Variants in DAW1 observed in about 807,000 individuals in gnomAD.
DAW1 encodes dynein assembly factor with WD repeats 1, also known as dynein assembly factor with WD repeat domains 1.
A neutral mutation model predicts 56.5 loss-of-function variants in DAW1; 47 were observed. That is an observed-to-expected ratio of 0.83 (90% CI 0.66 to 1.06). The LOEUF (loss-of-function observed/expected upper bound fraction) is 1.06. DAW1 is among the 50% of genes least tolerant of loss of function. The pLI is 0.00. For synonymous variants in DAW1, 190 were observed against 179.0 expected, an observed-to-expected ratio of 1.06 and a Z score of -0.49; for missense variants, 505 against 499.3, an observed-to-expected ratio of 1.01 and a Z score of -0.11.
Position 227,889,942 on chromosome 2 carries a change from T to C in DAW1, c.200T>C (p.Ile67Thr). 1.2e-6 allele frequency: 2 copies of C among 1,605,568 alleles called. No individual in the cohort carries two copies. The highest frequency in any genetic ancestry group is 1.7e-6 in the Non-Finnish European group (2 of 1,176,840). ...ASRTEQVKLLIQRLQEKLGQN... is the reference protein window; with the variant it reads ...ASRTEQVKLLTQRLQEKLGQN... ...CGAACAGAGCAAGTCAAACTTTTGATACAGAGGTTGCAAGAGAAACTCGGC... is the reference window on the plus strand; with the variant it reads ...CGAACAGAGCAAGTCAAACTTTTGACACAGAGGTTGCAAGAGAAACTCGGC... Residue 67 changes from isoleucine to threonine, a missense_variant, in exon 3 of 13, where the codon ATA (isoleucine) becomes ACA (threonine). Ile to Thr is a moderately conservative substitution (Grantham distance 89). Coordinates refer to ENST00000309931, the MANE Select transcript of DAW1 (RefSeq NM_178821.3).
At chr2:227,921,133 A>T (rs966997396) in intron 11 of DAW1, among the ~76,000 whole-genome samples, 1 of 152,138 alleles carries the variant, frequency 6.6e-6, no homozygotes, top group Non-Finnish European at 1.5e-5. Context: ...TACTCAAATT[A>T]TAAGGATGCT....
rs1692170768 is a variant in DAW1, at chr2:227,924,082, A to G, written c.*114A>G. 1.6e-6 allele frequency: 2 copies of G among 1,245,746 alleles called. No individual in the cohort carries two copies. The highest frequency in any genetic ancestry group is 1.5e-5 in the African/African-American group (1 of 66,592). 77.2% of individuals were successfully genotyped at this position (1,245,746 alleles called of 1,614,324 possible). A position where few individuals can be genotyped will look rare whatever the true frequency, so the allele number is the denominator to read the frequency against. ...ATACTTTCTCTTTTTCTGCAAGTCA[A>G]CTATTTCTACAACTGTCCTTCATTT... On this transcript the variant is annotated 3_prime_UTR_variant, in exon 13 of 13. Coordinates refer to ENST00000309931, the MANE Select transcript of DAW1 (RefSeq NM_178821.3).
At chr2:227,914,368 C>T (rs899147066) in intron 10 of DAW1, among the ~76,000 whole-genome samples, 3 of 151,888 alleles carry the variant, frequency 2.0e-5, no homozygotes, top group Non-Finnish European at 4.4e-5. Context: ...TGATGCTATA[C>T]TATGTATACC....
chr2:227,923,475 A>G (rs1370431727), intron 12 of DAW1, among the ~76,000 whole-genome samples: 1 of 152,200 alleles, frequency 6.6e-6, no homozygotes, highest in Non-Finnish European at 1.5e-5. Flanking sequence ...TGAGAAAACC[A>G]GTAGTGCCCA....
At chr2:227,893,739 T>G in intron 4 of DAW1, 56 bp from the exon 5 acceptor site, 3 of 1,561,798 alleles carry the variant, frequency 1.9e-6, no homozygotes, top group Admixed American at 3.9e-5. Flanking sequence ...AAACATGAAG[T>G]CTTTATTAAC....
intron 1 of DAW1, 83 bp from the exon 2 acceptor site, chr2:227,885,268 G>T: frequency 1.0e-6 from 1 of 967,926 alleles, no homozygotes; most frequent in Non-Finnish European, 1.5e-6. Context: ...AATAAAAATG[G>T]AAAAAACTGT....
chr2:227,921,503 G>A lies in DAW1; in HGVS notation c.1155G>A (p.Gly385=), dbSNP rs1429006393. The A allele has an allele frequency of 1.2e-6, 2 of 1,613,836 alleles. No homozygotes were observed. Among genetic ancestry groups the A allele is most frequent in the Admixed American group, 1.7e-5 (1 of 59,996 alleles). The change falls in exon 12 of 13, where the codon GGG becomes GGA. Residue 385 remains glycine (G), a synonymous_variant. Coordinates refer to ENST00000309931, the MANE Select transcript of DAW1 (RefSeq NM_178821.3). ...GCCAGTGCCTCCAGGTTCTTGAGGG[G>A]CACACTGATGAAATCTTTTCATGTG... ...QTGQCLQVLE[G]HTDEIFSCAF...
At chr2:227,876,904 A>G (rs544050721) in intron 1 of DAW1, among the ~76,000 whole-genome samples, 14 of 152,304 alleles carry the variant, frequency 9.2e-5, no homozygotes, top group African/African-American at 3.4e-4. Context: ...AGACCAGGAG[A>G]AGGAATTAAG....
intron 10 of DAW1, among the ~76,000 whole-genome samples, chr2:227,918,138 ATCCG>A (rs1175825951): frequency 1.5e-5 from 2 of 136,372 alleles, no homozygotes; most frequent in Admixed American, 7.5e-5. Context: ...CCATCCATCC[ATCCG>A]TCCATCCATC....
chr2:227,876,165 G>A (rs1003105606), intron 1 of DAW1, among the ~76,000 whole-genome samples: 5 of 152,054 alleles, frequency 3.3e-5, no homozygotes, highest in African/African-American at 4.8e-5. Flanking sequence ...ACAGGCGCCC[G>A]CCAGTACGCC....
chr2:227,913,760 A>G (rs1349173695), intron 10 of DAW1, among the ~76,000 whole-genome samples: 2 of 152,034 alleles, frequency 1.3e-5, no homozygotes, highest in African/African-American at 2.4e-5. Context: ...TGTACTATGC[A>G]TATGTCATGC....
intron 5 of DAW1, among the ~76,000 whole-genome samples, chr2:227,897,977 T>A (rs1203017449): frequency 6.6e-6 from 1 of 152,100 alleles, no homozygotes; most frequent in African/African-American, 2.4e-5. Flanking sequence ...ATAACTTTAA[T>A]ATAAAACCTT....
chr2:227,879,206 C>G (rs1292040863), intron 1 of DAW1, among the ~76,000 whole-genome samples: 2 of 152,160 alleles, frequency 1.3e-5, no homozygotes, highest in African/African-American at 4.8e-5. Context: ...CCACCTAACA[C>G]GTGACAGTGC....
In DAW1 at chr2:227,921,631, T is replaced by G. The variant is rs571743685; in HGVS notation, c.1213+70T>G. Reference sequence around the variant, plus strand: ...CTGTTAGAGTTCCCAAGCTGAATACTAACAGGAGTTCATCCCCATTCCCTA... The same window carrying G: ...CTGTTAGAGTTCCCAAGCTGAATACGAACAGGAGTTCATCCCCATTCCCTA... On this transcript the variant is annotated intron_variant, in intron 12 of 12. Transcript: ENST00000309931. 8 of 1,504,090 alleles carry G rather than the reference T, an allele frequency of 5.3e-6. No homozygotes were observed. In the African/African-American group the frequency reaches 9.7e-5, roughly 18 times the overall value. 93.2% of individuals were successfully genotyped at this position (1,504,090 alleles called of 1,614,324 possible). A position where few individuals can be genotyped will look rare whatever the true frequency, so the allele number is the denominator to read the frequency against.
chr2:227,922,330 C>T (rs1008432932), intron 12 of DAW1, among the ~76,000 whole-genome samples: 2 of 152,086 alleles, frequency 1.3e-5, no homozygotes, highest in Non-Finnish European at 2.9e-5. Context: ...ATTTTTCAAC[C>T]GTTAACAGTT....
chr2:227,912,031 C>A (rs1685589535), intron 10 of DAW1, among the ~76,000 whole-genome samples: 1 of 142,002 alleles, frequency 7.0e-6, no homozygotes, highest in African/African-American at 2.5e-5. Context: ...CCTTTCATGA[C>A]AACAATATTT....
chr2:227,890,013 A>G lies in DAW1; in HGVS notation c.258+13A>G. On this transcript the variant is annotated intron_variant, in intron 3 of 12. Transcript: ENST00000309931. ...CTATCTTTTTAAGGTAATGGATTTAAAAACAATCAGATAGAAGAATTTCAG... is the reference window on the plus strand; with the variant it reads ...CTATCTTTTTAAGGTAATGGATTTAGAAACAATCAGATAGAAGAATTTCAG... 6.5e-7 allele frequency: 1 copy of G among 1,529,588 alleles called. No individual in the cohort carries two copies. The highest frequency in any genetic ancestry group is 8.8e-7 in the Non-Finnish European group (1 of 1,142,042). The allele number at this position is 1,529,588 out of a possible 1,614,324, so 94.8% of individuals were successfully genotyped here. A position where few individuals can be genotyped will look rare whatever the true frequency, so the allele number is the denominator to read the frequency against.
intron 8 of DAW1, 49 bp from the exon 9 acceptor site, chr2:227,906,187 T>C (rs1456722757): frequency 6.8e-7 from 1 of 1,476,522 alleles, no homozygotes; most frequent in Admixed American, 1.7e-5. Context: ...CATGTGCATA[T>C]ACTGAAGTAA....
chr2:227,898,188 A>T lies in DAW1; in HGVS notation c.447A>T (p.Lys149Asn). ...CATTTCTTTTAAATCTTAGTGACAAAATCGCCACTGGGTCCTTTGATAAAA... is the reference window on the plus strand; with the variant it reads ...CATTTCTTTTAAATCTTAGTGACAATATCGCCACTGGGTCCTTTGATAAAA... The part of the protein sequence containing the change: ...AIAFNNPYGD[K>N]IATGSFDKTC... Residue 149 changes from lysine to asparagine, a missense_variant, in exon 6 of 13, where the codon AAA becomes AAT. Coordinates refer to ENST00000309931, the MANE Select transcript of DAW1 (RefSeq NM_178821.3). 1.9e-6 allele frequency: 3 copies of T among 1,563,460 alleles called. No individual in the cohort carries two copies. Among genetic ancestry groups the T allele is most frequent in the Non-Finnish European group, 2.6e-6 (3 of 1,152,922 alleles).
Sources: gnomAD v4.1 joint callset for allele counts (sites outside exome capture counted in the v4.1 genomes callset) on GRCh38, gnomAD v4.1.1 for gene constraint, MANE v1.5 for transcripts, NCBI Gene and HGNC (gene_info 2026-07-23, HGNC 2026-07-21) for gene names.